Variants in GPHN observed in about 807,000 individuals in gnomAD.
GPHN encodes the protein gephyrin.
In GPHN, 17 loss-of-function variants were observed where a neutral mutation model predicts 95.5. The observed-to-expected ratio is 0.18, with a 90% CI of 0.12 to 0.27. The LOEUF is 0.27. Ranked by LOEUF, GPHN falls within the 10% of genes least tolerant of loss-of-function variation. GPHN has a pLI of 1.00. For missense variants in GPHN, 660 were observed against 978.1 expected (o/e 0.67, Z 4.34); for synonymous variants, 320 against 322.5 (o/e 0.99, Z 0.08).
the GPHN span, among the ~76,000 whole-genome samples, chr14:67,291,446 G>C: frequency 2.6e-5 from 4 of 152,052 alleles, no homozygotes; most frequent in Admixed American, 1.3e-4. Context: ...CACTGTTCCC[G>C]GCTAATTTTT....
the GPHN span, chr14:67,559,615 T>C: frequency 4.4e-6 from 7 of 1,592,432 alleles, no homozygotes; most frequent in Non-Finnish European, 6.0e-6. Context: ...CAGAAGCAGA[T>C]GAGGGCAGAG....
chr14:67,465,311 G>A, the GPHN span, among the ~76,000 whole-genome samples: 14 of 129,430 alleles, frequency 1.1e-4, 1 homozygote, highest in Admixed American at 4.6e-4. Flanking sequence ...CATAGGGGCC[G>A]AAGGCCCAGA....
chr14:67,623,888 T>C, the GPHN span, among the ~76,000 whole-genome samples: 1 of 152,172 alleles, frequency 6.6e-6, no homozygotes, highest in Admixed American at 6.5e-5. Flanking sequence ...TCACTCAGGC[T>C]GGAGTGCAGT....
chr14:67,438,860 CAAAAA>C, the GPHN span, among the ~76,000 whole-genome samples: 7 of 56,056 alleles, frequency 1.2e-4, no homozygotes, highest in African/African-American at 3.4e-4. Context: ...GACTCCGTCT[CAAAAA>C]AAAAAAAAAA....
At chr14:67,217,146 C>G in the GPHN span, among the ~76,000 whole-genome samples, 1 of 151,064 alleles carries the variant, frequency 6.6e-6, no homozygotes, top group African/African-American at 2.4e-5. Context: ...CCGTTTATAA[C>G]TATAGAATGA....
chr14:67,373,971 G>T, the GPHN span, among the ~76,000 whole-genome samples: 8 of 151,832 alleles, frequency 5.3e-5, no homozygotes, highest in Non-Finnish European at 1.2e-4. Flanking sequence ...GGAAAGATAG[G>T]CATTTGACTA....
chr14:67,075,677 A>C (rs1298730996), intron 11 of GPHN, among the ~76,000 whole-genome samples: 1 of 152,134 alleles, frequency 6.6e-6, no homozygotes, highest in African/African-American at 2.4e-5. Context: ...GTTGATTCCA[A>C]CCTTCATGGA....
chr14:66,648,542 C>T (rs1038605818), intron 1 of GPHN, among the ~76,000 whole-genome samples: 1 of 152,114 alleles, frequency 6.6e-6, no homozygotes, highest in African/African-American at 2.4e-5. Flanking sequence ...CACTGTGTTA[C>T]AGCTGCCTAC....
chr14:66,748,303 T>C (rs1328688057), intron 2 of GPHN, among the ~76,000 whole-genome samples: 1 of 152,078 alleles, frequency 6.6e-6, no homozygotes, highest in Non-Finnish European at 1.5e-5. Flanking sequence ...TATGGAATTA[T>C]AATAACATAC....
At chr14:67,411,973 C>T in the GPHN span, 1 of 1,500,214 alleles carries the variant, frequency 6.7e-7, no homozygotes, top group Non-Finnish European at 8.9e-7. Context: ...GCCGCGTCGG[C>T]GGGGCCCCAC....
intron 1 of GPHN, among the ~76,000 whole-genome samples, chr14:66,528,889 A>G (rs1165075469): frequency 2.0e-5 from 3 of 152,034 alleles, no homozygotes; most frequent in South Asian, 2.1e-4. Context: ...TCTGGCTGCC[A>G]TTAACATTTT....
chr14:67,338,992 C>CT, the GPHN span, among the ~76,000 whole-genome samples: 2,843 of 131,104 alleles, frequency 0.022, 46 homozygotes, highest in African/African-American at 0.029. Context: ...AGACAGAAGC[C>CT]TTTTTTTTTT....
the GPHN span, chr14:67,646,823 T>C: frequency 3.1e-5 from 44 of 1,428,066 alleles, no homozygotes; most frequent in African/African-American, 2.5e-4. Flanking sequence ...ACTTGGTCTA[T>C]TGCAGGTCAC....
intron 3 of GPHN, among the ~76,000 whole-genome samples, chr14:66,807,030 A>T (rs923250349): frequency 2.5e-4 from 38 of 152,282 alleles, no homozygotes; most frequent in African/African-American, 3.1e-4. Context: ...CAAAAACATT[A>T]AAAAAAGAGA....
intron 1 of GPHN, among the ~76,000 whole-genome samples, chr14:66,514,643 G>C (rs188815063): frequency 6.6e-6 from 1 of 152,120 alleles, no homozygotes; most frequent in South Asian, 2.1e-4. Context: ...AAATGCAAGA[G>C]AATAAGAAAT....
At chr14:67,677,304 A>C in the GPHN span, 5 of 149,082 alleles carry the variant, frequency 3.4e-5, no homozygotes, top group East Asian at 9.9e-4. Context: ...TACCAATATC[A>C]GTCCCTAAGA....
intron 1 of GPHN, among the ~76,000 whole-genome samples, chr14:66,528,726 G>C (rs900581318): frequency 1.3e-5 from 2 of 152,144 alleles, no homozygotes; most frequent in Non-Finnish European, 2.9e-5. Flanking sequence ...GTGAAGCTTA[G>C]TTTGGCTGGA....
chr14:67,041,580 G>A (rs1338748378), intron 10 of GPHN, among the ~76,000 whole-genome samples: 3 of 152,142 alleles, frequency 2.0e-5, no homozygotes, highest in Non-Finnish European at 4.4e-5. Flanking sequence ...GTATTCCATG[G>A]TGTATATGTG....
At chr14:67,372,933 G>A in the GPHN span, among the ~76,000 whole-genome samples, 1 of 152,182 alleles carries the variant, frequency 6.6e-6, no homozygotes, top group African/African-American at 2.4e-5. Context: ...TAATTGGATA[G>A]CAAATATGCA....
Sources: allele counts gnomAD v4.1 joint callset (sites outside exome capture counted in the v4.1 genomes callset), GRCh38; gene constraint gnomAD v4.1.1; transcripts MANE v1.5; gene names NCBI Gene and HGNC (gene_info 2026-07-23, HGNC 2026-07-21).